Variants in VAPB observed in about 807,000 individuals in gnomAD.
VAPB encodes the protein vesicle-associated membrane protein-associated protein B/C.
In VAPB, 7 loss-of-function variants were observed where a neutral mutation model predicts 25.6. The observed-to-expected ratio is 0.27, with a 90% confidence interval of 0.16 to 0.51. The LOEUF (loss-of-function observed/expected upper bound fraction) is 0.51. VAPB is among the 20% of genes least tolerant of loss of function. VAPB has a pLI of 0.97. For synonymous variants in VAPB, 112 were observed against 109.2 expected (o/e 1.03, Z -0.16); for missense variants, 266 against 301.3 (o/e 0.88, Z 0.87).
rs1363102912 is a variant in VAPB, at chr20:58,389,288, C to A, written c.-172C>A. Reference sequence around the variant, plus strand: ...CCCTCGCCCTCCGCCCCTGCGCCTGCACCGCGTAGACCGACCCCCCCCCAG... The same window carrying A: ...CCCTCGCCCTCCGCCCCTGCGCCTGAACCGCGTAGACCGACCCCCCCCCAG... On this transcript the variant is annotated 5_prime_UTR_variant, in exon 1 of 6. Transcript: ENST00000475243. 1.4e-6 allele frequency: 1 copy of A among 739,798 alleles called. No individual in the cohort carries two copies. Among genetic ancestry groups the A allele is most frequent in the African/African-American group, 1.8e-5 (1 of 55,696 alleles). 45.8% of individuals were successfully genotyped at this position (739,798 alleles called of 1,614,324 possible).
rs190041719 is a variant in VAPB at position 58,427,529 on chromosome 20, G to A, written c.212-7073G>A. Among the ~76,000 whole-genome samples the A allele has an allele frequency of 1.3e-4, 16 of 124,938 alleles. No individual in the cohort carries two copies. In the East Asian group the frequency reaches 2.9e-3, roughly 22 times the overall value. 82.0% of individuals were successfully genotyped at this position (124,938 alleles called of 152,430 possible). On this transcript the variant is annotated intron_variant, in intron 2 of 5. Transcript: ENST00000475243. ...GCAGGCAAAAGTGATTTGTGATCTCGTAGCATTATGATGCAGGCAAAAGTG... is the reference window on the plus strand; with the variant it reads ...GCAGGCAAAAGTGATTTGTGATCTCATAGCATTATGATGCAGGCAAAAGTG...
chr20:58,406,142 C>T (rs1446544689), intron 1 of VAPB, among the ~76,000 whole-genome samples: 3 of 151,980 alleles, frequency 2.0e-5, no homozygotes, highest in South Asian at 2.1e-4. Flanking sequence ...ACACTTGCAA[C>T]GAGAGATGTT....
chr20:58,427,851 G>T (rs1265842167), intron 2 of VAPB, among the ~76,000 whole-genome samples: 2 of 151,390 alleles, frequency 1.3e-5, no homozygotes, highest in African/African-American at 2.4e-5. Flanking sequence ...TGGTGAAAGT[G>T]ATCTGTGATC....
intron 2 of VAPB, among the ~76,000 whole-genome samples, chr20:58,420,970 G>A (rs991323514): frequency 2.0e-5 from 3 of 152,202 alleles, no homozygotes; most frequent in African/African-American, 4.8e-5. Flanking sequence ...TGAGTCACTA[G>A]AGTCCTCAGG....
intron 1 of VAPB, among the ~76,000 whole-genome samples, chr20:58,412,825 C>T (rs1022038460): frequency 1.3e-5 from 2 of 152,086 alleles, no homozygotes; most frequent in Admixed American, 6.5e-5. Context: ...TCTTCCATGG[C>T]TCTTGAATGA....
chr20:58,389,306 C>G lies in VAPB; in HGVS notation c.-154C>G, dbSNP rs1452143518. ...GCGCCTGCACCGCGTAGACCGACCCCCCCCCAGCGCGCCCACCCGGTAGAG... is the reference window on the plus strand; with the variant it reads ...GCGCCTGCACCGCGTAGACCGACCCGCCCCCAGCGCGCCCACCCGGTAGAG... On this transcript the variant is annotated 5_prime_UTR_variant, in exon 1 of 6. Transcript: ENST00000475243. 1 of 690,014 alleles carries G rather than the reference C, an allele frequency of 1.4e-6. No homozygotes were observed. The highest frequency in any genetic ancestry group is 3.4e-5 in the East Asian group (1 of 29,768). 42.7% of individuals were successfully genotyped at this position (690,014 alleles called of 1,614,324 possible).
chr20:58,419,298 G>A (rs1292717696), intron 2 of VAPB, among the ~76,000 whole-genome samples: 1 of 152,152 alleles, frequency 6.6e-6, no homozygotes, highest in Non-Finnish European at 1.5e-5. Flanking sequence ...AAGATATAAG[G>A]TGTTTCATTA....
Position 58,448,511 on chromosome 20 carries a change from G to C in VAPB, c.*4276G>C, listed in dbSNP as rs1989352375. The C allele has an allele frequency of 2.2e-6, 1 of 453,960 alleles. No homozygotes were observed. Among genetic ancestry groups the C allele is most frequent in the Non-Finnish European group, 4.4e-6 (1 of 226,792 alleles). 28.1% of individuals were successfully genotyped at this position (453,960 alleles called of 1,614,324 possible). A position where few individuals can be genotyped will look rare whatever the true frequency, so the allele number is the denominator to read the frequency against. Reference sequence around the variant, plus strand: ...CTCTGTTTGCATACGAAGAAATAAAGGCTCCAGGAGGTTAAATCGGGCAAC... The same window carrying C: ...CTCTGTTTGCATACGAAGAAATAAACGCTCCAGGAGGTTAAATCGGGCAAC... On this transcript the variant is annotated 3_prime_UTR_variant, in exon 6 of 6. Coordinates refer to ENST00000475243, the MANE Select transcript of VAPB (RefSeq NM_004738.5).
In VAPB at chr20:58,449,176, C is replaced by G; in HGVS notation, c.*4941C>G. Reference sequence around the variant, plus strand: ...CAGCTTCACAGACCTCTTCCTCCAGCCTCTGAATCCCATTAGCCACAGCCT... The same window carrying G: ...CAGCTTCACAGACCTCTTCCTCCAGGCTCTGAATCCCATTAGCCACAGCCT... On this transcript the variant is annotated 3_prime_UTR_variant, in exon 6 of 6. Coordinates refer to ENST00000475243, the MANE Select transcript of VAPB (RefSeq NM_004738.5). 2.2e-6 allele frequency: 1 copy of G among 454,142 alleles called. No homozygotes were observed. 28.1% of individuals were successfully genotyped at this position (454,142 alleles called of 1,614,324 possible). A position where few individuals can be genotyped will look rare whatever the true frequency, so the allele number is the denominator to read the frequency against.
At chr20:58,426,837 G>C (rs1600805033) in intron 2 of VAPB, among the ~76,000 whole-genome samples, 1 of 152,238 alleles carries the variant, frequency 6.6e-6, no homozygotes, top group South Asian at 2.1e-4. Flanking sequence ...TTGTGGGCAC[G>C]TAAAATGTGG....
intron 5 of VAPB, among the ~76,000 whole-genome samples, chr20:58,441,854 T>C (rs1234949435): frequency 6.6e-6 from 1 of 152,210 alleles, no homozygotes; most frequent in Non-Finnish European, 1.5e-5. Context: ...TCTGGGCAGT[T>C]GTGGCTCATC....
At chr20:58,392,079 AT>A (rs1987814807) in intron 1 of VAPB, among the ~76,000 whole-genome samples, 1 of 152,202 alleles carries the variant, frequency 6.6e-6, no homozygotes, top group Admixed American at 6.5e-5. Context: ...ATTTGAGAAA[AT>A]TTAAGATTTT....
At chr20:58,414,594 G>A (rs1420082571) in intron 1 of VAPB, among the ~76,000 whole-genome samples, 2 of 150,890 alleles carry the variant, frequency 1.3e-5, no homozygotes, top group African/African-American at 4.9e-5. Flanking sequence ...ACGGGGCGGC[G>A]GGGCAGAGGC....
intron 2 of VAPB, among the ~76,000 whole-genome samples, chr20:58,418,608 ATAGT>A (rs1163884011): frequency 6.6e-6 from 1 of 151,742 alleles, no homozygotes; most frequent in African/African-American, 2.4e-5. Flanking sequence ...TTGCACCTCA[ATAGT>A]TAGAGCAAAA....
At chr20:58,390,451 C>A (rs1038250403) in intron 1 of VAPB, 1 of 142,666 alleles carries the variant, frequency 7.0e-6, no homozygotes, top group African/African-American at 2.6e-5. Flanking sequence ...CTCATTCTTT[C>A]TTTTTGCGTG....
rs1391938748 is a variant in VAPB, at chr20:58,448,493, T to A, written c.*4258T>A. The A allele has an allele frequency of 6.6e-6, 3 of 453,984 alleles. No individual in the cohort carries two copies. The highest frequency in any genetic ancestry group is 6.0e-5 in the African/African-American group (3 of 50,000). The allele number at this position is 453,984 out of a possible 1,614,324, so 28.1% of individuals were successfully genotyped here. A position where few individuals can be genotyped will look rare whatever the true frequency, so the allele number is the denominator to read the frequency against. ...TGACTGGGGGGTAGATGGCTCTGTT[T>A]GCATACGAAGAAATAAAGGCTCCAG... On this transcript the variant is annotated 3_prime_UTR_variant, in exon 6 of 6. Coordinates refer to ENST00000475243, the MANE Select transcript of VAPB (RefSeq NM_004738.5).
intron 2 of VAPB, among the ~76,000 whole-genome samples, chr20:58,428,453 G>C (rs1988856050): frequency 6.6e-6 from 1 of 152,148 alleles, no homozygotes; most frequent in African/African-American, 2.4e-5. Context: ...GCGTAACAGT[G>C]CTTAAACTTT....
rs1989395592 is a variant in VAPB at position 58,449,864 on chromosome 20, G to C, written c.*5629G>C. 1 of 453,994 alleles carries C rather than the reference G, an allele frequency of 2.2e-6. No homozygotes were observed. Among genetic ancestry groups the C allele is most frequent in the Admixed American group, 2.3e-5 (1 of 42,556 alleles). The allele number at this position is 453,994 out of a possible 1,614,324, so 28.1% of individuals were successfully genotyped here. A position where few individuals can be genotyped will look rare whatever the true frequency, so the allele number is the denominator to read the frequency against. On this transcript the variant is annotated 3_prime_UTR_variant, in exon 6 of 6. Transcript: ENST00000475243. ...CAGGAGTGCGCCTGGCCTTCTGCAG[G>C]TGGAGCTGCTGTCAGAGCTTCGTTT...
At chr20:58,389,653 C>T (rs2123005754) in intron 1 of VAPB, 136 bp downstream of exon 1, 1 of 962,366 alleles carries the variant, frequency 1.0e-6, no homozygotes, top group Non-Finnish European at 1.4e-6. Context: ...CGAGGCCGGG[C>T]CGGGCCTTGG....
Sources: allele counts gnomAD v4.1 joint callset (sites outside exome capture counted in the v4.1 genomes callset), GRCh38; gene constraint gnomAD v4.1.1; transcripts MANE v1.5; gene names NCBI Gene and HGNC (gene_info 2026-07-23, HGNC 2026-07-21).